The following ZNF638 variants were observed in gnomAD, a reference collection of about 807,000 sequenced individuals.
ZNF638 encodes the protein CTCL tumor antigen se33-1.
A neutral mutation model predicts 195.6 loss-of-function variants in ZNF638; 46 were observed. That is an observed-to-expected ratio of 0.24 (90% confidence interval 0.19 to 0.30). The LOEUF is 0.30. ZNF638 is among the 10% of genes least tolerant of loss of function. The pLI, the probability that ZNF638 is intolerant of heterozygous loss-of-function variation, is 1.00. For synonymous variants in ZNF638, 845 were observed against 772.0 expected (o/e 1.09, Z -1.57); for missense variants, 2,440 against 2,325.3 (o/e 1.05, Z -1.01).
intron 6 of ZNF638, 145 bp downstream of exon 6, chr2:71,365,851 C>T: frequency 1.2e-6 from 1 of 814,868 alleles, no homozygotes; most frequent in Non-Finnish European, 1.9e-6. Context: ...TCCCAAGTAG[C>T]TGGCACCACA....
At chr2:71,407,303 T>C (rs1452865263) in intron 19 of ZNF638, 1 of 152,196 alleles carries the variant, frequency 6.6e-6, no homozygotes, top group African/African-American at 2.4e-5. Flanking sequence ...GGGGCACAGA[T>C]GGCACATAGG....
chr2:71,398,601 C>A, intron 11 of ZNF638, 100 bp from the exon 12 acceptor site: 1 of 928,320 alleles, frequency 1.1e-6, no homozygotes, highest in Non-Finnish European at 1.8e-6. Flanking sequence ...TTGAATAAAA[C>A]ACAGCCTATT....
intron 16 of ZNF638, 101 bp from the exon 17 acceptor site, chr2:71,403,769 A>G (rs929879415): frequency 1.4e-5 from 11 of 808,532 alleles, no homozygotes; most frequent in African/African-American, 8.8e-5. Flanking sequence ...AAGTTGTTCA[A>G]TCCACTTGAC....
chr2:71,332,540 C>T (rs942865118), intron 1 of ZNF638, among the ~76,000 whole-genome samples: 10 of 152,150 alleles, frequency 6.6e-5, no homozygotes, highest in Non-Finnish European at 1.2e-4. Context: ...ACTGAGGACT[C>T]ATAAATGGTT....
intron 8 of ZNF638, among the ~76,000 whole-genome samples, chr2:71,371,141 C>T (rs1010068068): frequency 3.9e-5 from 6 of 152,136 alleles, no homozygotes; most frequent in African/African-American, 1.4e-4. Flanking sequence ...TAATGACTTC[C>T]AGTTTCATCC....
At chr2:71,350,314 C>T (rs748626171) in intron 2 of ZNF638, 43 bp downstream of exon 2, 100 of 1,547,806 alleles carry the variant, frequency 6.5e-5, no homozygotes, top group Non-Finnish European at 7.6e-5. Flanking sequence ...TGATGCTCAG[C>T]GCCAGTTTTC....
rs758978711 is a variant in ZNF638, at chr2:71,423,929, C to T, written c.4415C>T (p.Ser1472Leu). ...SLTRGGSGRISALQGKLSKLD... is the reference protein window; with the variant it reads ...SLTRGGSGRILALQGKLSKLD... ...ACCAGAGGAGGCAGTGGAAGGATCT[C>T]AGCCCTGCAAGGCAAGCTTTCTAAA... is the stretch of plus-strand genomic sequence containing the variant. The change falls in exon 22 of 28, where the codon TCA (serine) becomes TTA (leucine). Residue 1472 changes from serine (S) to leucine (L), a missense_variant. Around this residue, in one of 5 missense-constraint regions of ZNF638, gnomAD observed 1,883 missense variants for 1,739.1 expected, o/e 1.08. Coordinates refer to ENST00000264447, the MANE Select transcript of ZNF638 (RefSeq NM_014497.5). The T allele has an allele frequency of 1.9e-6, 3 of 1,613,914 alleles. No individual in the cohort carries two copies. The highest frequency in any genetic ancestry group is 1.7e-5 in the Admixed American group (1 of 60,000).
chr2:71,394,925 G>A (rs950602263), intron 10 of ZNF638, among the ~76,000 whole-genome samples: 2 of 152,156 alleles, frequency 1.3e-5, no homozygotes, highest in Non-Finnish European at 2.9e-5. Context: ...AAGATGCGCT[G>A]GCATTCTGAC....
intron 12 of ZNF638, 116 bp downstream of exon 12, chr2:71,398,888 T>G: frequency 1.1e-6 from 1 of 938,470 alleles, no homozygotes; most frequent in South Asian, 1.7e-5. Flanking sequence ...TCCTTGATAT[T>G]TAAAACCTGA....
intron 10 of ZNF638, chr2:71,393,496 C>G (rs771268018): frequency 2.0e-5 from 14 of 717,866 alleles, no homozygotes; most frequent in Non-Finnish European, 5.2e-6. Flanking sequence ...GGACCCGCAG[C>G]TCCAGACAAC....
At chr2:71,376,653 C>CTG (rs1164370506) in intron 8 of ZNF638, among the ~76,000 whole-genome samples, 1 of 152,140 alleles carries the variant, frequency 6.6e-6, no homozygotes, top group Non-Finnish European at 1.5e-5. Context: ...CTAACTCTAG[C>CTG]TGTGTTTCAT....
chr2:71,430,178 A>G lies in ZNF638; in HGVS notation c.5651-1149A>G, dbSNP rs536509928. 1.3e-3 allele frequency among the ~76,000 whole-genome samples: 195 copies of G among 152,156 alleles called. 1 individual carries two copies. The highest frequency in any genetic ancestry group is 4.3e-3 in the African/African-American group (180 of 41,556). ...TTTTTCCACACAATTGTAAACTTAA[A>G]TCATTTATTTTAATCTATTTTAAAT... On this transcript the variant is annotated intron_variant, in intron 25 of 27. Transcript: ENST00000264447.
intron 2 of ZNF638, among the ~76,000 whole-genome samples, chr2:71,351,775 G>A (rs556544055): frequency 1.5e-3 from 233 of 152,094 alleles, no homozygotes; most frequent in Non-Finnish European, 3.0e-3. Flanking sequence ...AGTTTATTCA[G>A]TCTTATTGGG....
At chr2:71,395,041 C>T (rs987741489) in intron 10 of ZNF638, among the ~76,000 whole-genome samples, 1 of 152,112 alleles carries the variant, frequency 6.6e-6, no homozygotes, top group South Asian at 2.1e-4. Context: ...CTCGGGGTGA[C>T]CTTACATGAT....
intron 10 of ZNF638, among the ~76,000 whole-genome samples, chr2:71,393,870 A>C (rs536206932): frequency 1.3e-5 from 2 of 152,166 alleles, no homozygotes; most frequent in African/African-American, 4.8e-5. Context: ...CTAAGGTGCC[A>C]GGTAACACTA....
At chr2:71,390,040 A>G (rs1306946080) in intron 10 of ZNF638, among the ~76,000 whole-genome samples, 1 of 152,214 alleles carries the variant, frequency 6.6e-6, no homozygotes, top group Non-Finnish European at 1.5e-5. Flanking sequence ...GAGCCAGGTC[A>G]TAAGAAGAGG....
chr2:71,356,597 C>T (rs1363153614), intron 3 of ZNF638, among the ~76,000 whole-genome samples: 1 of 151,804 alleles, frequency 6.6e-6, no homozygotes, highest in Non-Finnish European at 1.5e-5. Flanking sequence ...TCAGCCTGGC[C>T]AACACAGCAA....
intron 8 of ZNF638, chr2:71,374,763 A>AG (rs2079389432): frequency 6.6e-6 from 1 of 152,236 alleles, no homozygotes; most frequent in East Asian, 1.9e-4. Flanking sequence ...TACTAAAAAT[A>AG]CAAAAATTAG....
At chr2:71,338,597 C>T (rs1189296030) in intron 1 of ZNF638, among the ~76,000 whole-genome samples, 3 of 152,234 alleles carry the variant, frequency 2.0e-5, no homozygotes, top group South Asian at 4.1e-4. Flanking sequence ...AGTGAAAATT[C>T]GTTATTCTTC....
Sources: gnomAD v4.1 joint callset for allele counts (sites outside exome capture counted in the v4.1 genomes callset) on GRCh38, gnomAD v4.1.1 for gene constraint, gnomAD v4.1.1 regional missense constraint, MANE v1.5 for transcripts, NCBI Gene and HGNC (gene_info 2026-07-23, HGNC 2026-07-21) for gene names.